The following JOSD2 variants were observed in gnomAD, a reference collection of about 807,000 sequenced individuals.
JOSD2 encodes the protein josephin-2.
JOSD2 carries 20 observed loss-of-function variants against 19.3 expected under a neutral mutation model. The observed-to-expected ratio is 1.04, with a 90% CI of 0.73 to 1.51. JOSD2 has a LOEUF of 1.51. JOSD2 is among the 40% of genes most tolerant of loss of function. JOSD2 has a pLI of 0.00. For missense variants in JOSD2, 215 were observed against 250.4 expected (o/e 0.86, Z 0.95); for synonymous variants, 118 against 123.7 (o/e 0.95, Z 0.31).
At chr19:50,510,051 C>CAA (rs139049930) in intron 2 of JOSD2, 290 of 231,860 alleles carry the variant, frequency 1.3e-3, no homozygotes, top group East Asian at 2.2e-3. Flanking sequence ...GACTCAGTCT[C>CAA]AAAAAAAAAA....
Position 50,510,371 on chromosome 19 carries a change from G to C in JOSD2, c.61C>G (p.Leu21Val). Residue 21 changes from leucine to valine, a missense_variant, in exon 2 of 5, where the codon CTG (leucine) becomes GTG (valine). Leu to Val is a conservative substitution (Grantham distance 32, BLOSUM62 1). Coordinates refer to ENST00000598418, the MANE Select transcript of JOSD2 (RefSeq NM_001270639.2). ...PPTVYHERQR[L>V]ELCAVHALNN... is the part of the protein sequence containing the mutation. ...AGGGCGTGGACAGCACACAGCTCCAGGCGCTGCCGTTCGTGGTACACGGTG... is the reference window on the plus strand; with the variant it reads ...AGGGCGTGGACAGCACACAGCTCCACGCGCTGCCGTTCGTGGTACACGGTG... The C allele has an allele frequency of 6.2e-7, 1 of 1,613,514 alleles. No homozygotes were observed. Among genetic ancestry groups the C allele is most frequent in the Middle Eastern group, 1.7e-4 (1 of 6,058 alleles).
At position 50,511,148 on chromosome 19, in the gene JOSD2, G is replaced by A. The variant is rs1331635941; in HGVS notation, c.-49C>T. ...TGCCTCTCCGCTCCACCGAGCCAGGGGTTTCCGCATCCCCTTCCTGGGCGG... is the reference window on the plus strand; with the variant it reads ...TGCCTCTCCGCTCCACCGAGCCAGGAGTTTCCGCATCCCCTTCCTGGGCGG... On this transcript the variant is annotated 5_prime_UTR_variant, in exon 1 of 5. Transcript: ENST00000598418. The A allele has an allele frequency of 2.2e-6, 1 of 450,468 alleles. No individual in the cohort carries two copies. The highest frequency in any genetic ancestry group is 2.0e-5 in the African/African-American group (1 of 49,296). The allele number at this position is 450,468 out of a possible 1,614,324, so 27.9% of individuals were successfully genotyped here.
chr19:50,511,028 G>A, intron 1 of JOSD2, 89 bp downstream of exon 1: 1 of 443,320 alleles, frequency 2.3e-6, no homozygotes, highest in Non-Finnish European at 4.5e-6. Context: ...CAGCAACCAG[G>A]CCCCCTCCCC....
intron 1 of JOSD2, among the ~76,000 whole-genome samples, chr19:50,510,824 A>T (rs779357476): frequency 6.6e-6 from 1 of 151,516 alleles, no homozygotes; most frequent in Non-Finnish European, 1.5e-5. Context: ...TAGGTAACAA[A>T]GTCTGTCCTC....
At chr19:50,507,550 A>G (rs1380921387) in intron 3 of JOSD2, 24 bp downstream of exon 3, 2 of 1,594,294 alleles carry the variant, frequency 1.3e-6, no homozygotes, top group Admixed American at 3.4e-5. Context: ...GGCCCAGCAC[A>G]TGCTGTGCTG....
rs769234719 is a variant in JOSD2, at chr19:50,510,465, G to A, written c.-17-17C>T. Reference sequence around the variant, plus strand: ...CGGCTCCTGCTGGGGGTTGGGAGGGGGAGAAGGTCCTCAGGGGCCCGGGAT... The same window carrying A: ...CGGCTCCTGCTGGGGGTTGGGAGGGAGAGAAGGTCCTCAGGGGCCCGGGAT... On this transcript the variant is annotated splice_polypyrimidine_tract_variant and intron_variant, in intron 1 of 4. Coordinates refer to ENST00000598418, the MANE Select transcript of JOSD2 (RefSeq NM_001270639.2). The A allele has an allele frequency of 1.3e-6, 2 of 1,582,828 alleles. No homozygotes were observed. Among genetic ancestry groups the A allele is most frequent in the African/African-American group, 2.7e-5 (2 of 74,314 alleles).
In JOSD2 at chr19:50,510,654, C is replaced by T. The variant is rs1979750636; in HGVS notation, c.-17-206G>A. ...TTCCTATTCCTACGAAAAACGCTGT[C>T]TCTTCTGCTCCCCTAGCAACAGAAA... is the stretch of plus-strand genomic sequence containing the variant. On this transcript the variant is annotated intron_variant, in intron 1 of 4. Transcript: ENST00000598418. Among the ~76,000 whole-genome samples, 3 of 152,122 alleles carry T rather than the reference C, an allele frequency of 2.0e-5. No homozygotes were observed. In the South Asian group the frequency reaches 6.2e-4, roughly 31 times the overall value.
At chr19:50,508,143 G>A in intron 2 of JOSD2, 1 of 220,040 alleles carries the variant, frequency 4.5e-6, no homozygotes, top group Non-Finnish European at 9.1e-6. Flanking sequence ...GCCCTCTCCT[G>A]CTCTCAGCTC....
intron 2 of JOSD2, chr19:50,510,057 A>AAAAAAAAAG: frequency 2.3e-6 from 1 of 443,824 alleles, no homozygotes; most frequent in East Asian, 4.3e-5. Flanking sequence ...GTCTCAAAAA[A>AAAAAAAAAG]AAAAAAAAAA....
chr19:50,507,421 C>T (rs968061390), intron 3 of JOSD2, among the ~76,000 whole-genome samples, 153 bp downstream of exon 3: 1 of 152,004 alleles, frequency 6.6e-6, no homozygotes, highest in African/African-American at 2.4e-5. Context: ...CATCGACCAC[C>T]TGATCTCCCC....
Position 50,506,044 on chromosome 19 carries a change from C to G in JOSD2, c.*129G>C. ...TTGAGGCAGCAGCGGCAGTGGGGAG[C>G]AGGGGTGTGGGGAGGGGGCGGGGCC... On this transcript the variant is annotated 3_prime_UTR_variant, in exon 5 of 5. Transcript: ENST00000598418. The G allele has an allele frequency of 1.3e-6, 1 of 776,812 alleles. No homozygotes were observed. 48.1% of individuals were successfully genotyped at this position (776,812 alleles called of 1,614,324 possible).
intron 2 of JOSD2, among the ~76,000 whole-genome samples, chr19:50,508,834 C>T (rs1046501524): frequency 3.3e-5 from 5 of 151,752 alleles, no homozygotes; most frequent in African/African-American, 9.7e-5. Flanking sequence ...GTCCTTGTTG[C>T]GAATGATAGA....
rs773302280 is a variant in JOSD2 at position 50,507,621 on chromosome 19, G to A, written c.225C>T (p.Ala75=). The A allele has an allele frequency of 5.6e-5, 90 of 1,610,644 alleles. No homozygotes were observed. The highest frequency in any genetic ancestry group is 6.7e-5 in the Non-Finnish European group (79 of 1,179,928). The change falls in exon 3 of 5, where the codon GCC becomes GCT. Residue 75 remains alanine (A), a synonymous_variant. Coordinates refer to ENST00000598418, the MANE Select transcript of JOSD2 (RefSeq NM_001270639.2). The stretch of plus-strand genomic sequence containing the variant: ...CGGCCAGGCCCAGCCCCTGCAGAGC[G>A]GCCATGATCACATTGACATCATAGT... ...TGNYDVNVIM[A]ALQGLGLAAV...
At chr19:50,508,061 C>T in intron 2 of JOSD2, 1 of 356,818 alleles carries the variant, frequency 2.8e-6, no homozygotes, top group Non-Finnish European at 5.3e-6. Context: ...GCCCTGTCCC[C>T]AAGGCCCCAG....
chr19:50,510,442 G>A lies in JOSD2; in HGVS notation c.-11C>T, dbSNP rs779676903. 1.2e-6 allele frequency: 2 copies of A among 1,600,334 alleles called. No homozygotes were observed. The highest frequency in any genetic ancestry group is 1.1e-5 in the South Asian group (1 of 90,726). On this transcript the variant is annotated 5_prime_UTR_variant, in exon 2 of 5. Transcript: ENST00000598418. ...CGGGGCCTGGGACATGCCGTCCTCG[G>A]CTCCTGCTGGGGGTTGGGAGGGGGA...
rs1188946054 is a variant in JOSD2, at chr19:50,511,139, C to G, written c.-40G>C. ...CACCCCGCCTGCCTCTCCGCTCCAC[C>G]GAGCCAGGGGTTTCCGCATCCCCTT... On this transcript the variant is annotated 5_prime_UTR_variant, in exon 1 of 5. Coordinates refer to ENST00000598418, the MANE Select transcript of JOSD2 (RefSeq NM_001270639.2). The G allele has an allele frequency of 2.2e-6, 1 of 452,352 alleles. No homozygotes were observed. The highest frequency in any genetic ancestry group is 4.4e-6 in the Non-Finnish European group (1 of 225,038). The allele number at this position is 452,352 out of a possible 1,614,324, so 28.0% of individuals were successfully genotyped here. A position where few individuals can be genotyped will look rare whatever the true frequency, so the allele number is the denominator to read the frequency against.
In JOSD2 at chr19:50,506,506, C is replaced by T. The variant is rs576139122; in HGVS notation, c.339G>A (p.Ser113=). 24 of 1,556,352 alleles carry T rather than the reference C, an allele frequency of 1.5e-5. No individual in the cohort carries two copies. Among genetic ancestry groups the T allele is most frequent in the African/African-American group, 1.2e-4 (9 of 73,382 alleles). ...GLILNLPSPV[S]LGLLSLPLRR... is the part of the protein sequence containing the mutation. ...GCAGCGGCAGTGACAGCAGCCCCAGCGACACGGGCGAGGGCAGGTTCAGGA... is the reference window on the plus strand; with the variant it reads ...GCAGCGGCAGTGACAGCAGCCCCAGTGACACGGGCGAGGGCAGGTTCAGGA... Residue 113 remains serine, a synonymous_variant, in exon 4 of 5, where the codon TCG becomes TCA. Transcript: ENST00000598418.
intron 3 of JOSD2, among the ~76,000 whole-genome samples, chr19:50,506,780 TCCCACCCACCCACCCACCGTCCA>T (rs1261579903): frequency 2.1e-5 from 1 of 47,896 alleles, no homozygotes; most frequent in Non-Finnish European, 4.3e-5. Context: ...CAACCAGACC[TCCCACCCACCCACCCACCGTCCA>T]CCCACCCACC....
Sources: allele counts gnomAD v4.1 joint callset (sites outside exome capture counted in the v4.1 genomes callset), GRCh38; gene constraint gnomAD v4.1.1; transcripts MANE v1.5; gene names NCBI Gene and HGNC (gene_info 2026-07-23, HGNC 2026-07-21).